CEP97: variants seen among roughly 807,000 people sequenced by gnomAD.
CEP97 encodes centrosomal protein 97.
A neutral mutation model predicts 73.1 loss-of-function variants in CEP97; 43 were observed. That is an observed-to-expected ratio of 0.59 (90% CI 0.46 to 0.76). The LOEUF is 0.76. Ranked by LOEUF, CEP97 falls within the 30% of genes least tolerant of loss-of-function variation. The pLI is 0.00. For synonymous variants in CEP97, 337 were observed against 370.0 expected (o/e 0.91, Z 1.02); for missense variants, 939 against 1,014.0 (o/e 0.93, Z 1.00).
In CEP97 at chr3:101,766,559, A is replaced by G. The variant is rs187931180; in HGVS notation, c.*1008A>G. On this transcript the variant is annotated 3_prime_UTR_variant, in exon 11 of 11. Coordinates refer to ENST00000341893, the MANE Select transcript of CEP97 (RefSeq NM_024548.4). Reference sequence around the variant, plus strand: ...ACTTTTTAGGAACTACTTTTTGTCTAACCTGAAAAAGTTCCACATTTGGAA... The same window carrying G: ...ACTTTTTAGGAACTACTTTTTGTCTGACCTGAAAAAGTTCCACATTTGGAA... The G allele has an allele frequency of 3.9e-5, 6 of 152,672 alleles. No individual in the cohort carries two copies. Among genetic ancestry groups the G allele is most frequent in the Admixed American group, 1.3e-4 (2 of 15,292 alleles). 9.5% of individuals were successfully genotyped at this position (152,672 alleles called of 1,614,324 possible). A position where few individuals can be genotyped will look rare whatever the true frequency, so the allele number is the denominator to read the frequency against.
At chr3:101,735,703 C>T (rs1219687262) in intron 6 of CEP97, among the ~76,000 whole-genome samples, 5 of 152,202 alleles carry the variant, frequency 3.3e-5, no homozygotes, top group Non-Finnish European at 5.9e-5. Context: ...CACAACCCCA[C>T]ACACCAGGAG....
chr3:101,737,952 A>G (rs1044625036), intron 6 of CEP97, among the ~76,000 whole-genome samples: 31 of 146,162 alleles, frequency 2.1e-4, no homozygotes, highest in Non-Finnish European at 1.6e-4. Context: ...TGCATCTCAC[A>G]TGTAAAGACA....
intron 2 of CEP97, 124 bp downstream of exon 2, chr3:101,726,860 T>C (rs1001326266): frequency 1.6e-6 from 1 of 608,526 alleles, no homozygotes; most frequent in Non-Finnish European, 2.8e-6. Context: ...CTTAAATTTT[T>C]ACATGACAGT....
At chr3:101,725,705 T>G (rs149334351) in intron 1 of CEP97, among the ~76,000 whole-genome samples, 10 of 152,286 alleles carry the variant, frequency 6.6e-5, no homozygotes, top group African/African-American at 2.2e-4. Context: ...GTAGTCCTAA[T>G]CTGGGTGTAA....
In CEP97 at chr3:101,766,358, A is replaced by G. The variant is rs1939317756; in HGVS notation, c.*807A>G. Reference sequence around the variant, plus strand: ...CTCATTAAGTGCTTTTTCACCCTATAGGTAAGCATTTTTGTGCCAACATGT... The same window carrying G: ...CTCATTAAGTGCTTTTTCACCCTATGGGTAAGCATTTTTGTGCCAACATGT... On this transcript the variant is annotated 3_prime_UTR_variant, in exon 11 of 11. Coordinates refer to ENST00000341893, the MANE Select transcript of CEP97 (RefSeq NM_024548.4). The G allele has an allele frequency of 6.6e-6, 1 of 152,608 alleles. No individual in the cohort carries two copies. The highest frequency in any genetic ancestry group is 2.1e-4 in the South Asian group (1 of 4,834). The allele number at this position is 152,608 out of a possible 1,614,324, so 9.5% of individuals were successfully genotyped here.
intron 7 of CEP97, 57 bp downstream of exon 7, chr3:101,755,651 C>A: frequency 6.4e-7 from 1 of 1,553,386 alleles, no homozygotes; most frequent in South Asian, 1.1e-5. Context: ...ACCTCTGAGT[C>A]TTTGCTATGG....
chr3:101,761,974 G>T (rs561040328), intron 9 of CEP97, among the ~76,000 whole-genome samples: 1 of 152,256 alleles, frequency 6.6e-6, no homozygotes, highest in African/African-American at 2.4e-5. Context: ...GGAGTAGGTC[G>T]GAGACCTGGG....
intron 6 of CEP97, among the ~76,000 whole-genome samples, chr3:101,745,456 G>A (rs755266640): frequency 1.8e-4 from 27 of 151,898 alleles, no homozygotes; most frequent in Non-Finnish European, 3.5e-4. Flanking sequence ...TGTAGAGATG[G>A]GTTATTGCTA....
chr3:101,731,192 C>CTTTT (rs35988030), intron 4 of CEP97, among the ~76,000 whole-genome samples: 3 of 123,260 alleles, frequency 2.4e-5, no homozygotes, highest in Non-Finnish European at 3.4e-5. Flanking sequence ...GTTTTAATGA[C>CTTTT]TTTTTTTTTT....
At chr3:101,737,965 C>T (rs1232054952) in intron 6 of CEP97, among the ~76,000 whole-genome samples, 1 of 105,632 alleles carries the variant, frequency 9.5e-6, no homozygotes, top group Non-Finnish European at 1.8e-5. Context: ...TAAAGACACA[C>T]ATAGATTCAA....
intron 6 of CEP97, among the ~76,000 whole-genome samples, chr3:101,741,957 G>C (rs566630285): frequency 1.3e-5 from 2 of 151,806 alleles, no homozygotes; most frequent in South Asian, 4.2e-4. Flanking sequence ...CAGGAGAGTC[G>C]CTTGAGCCCA....
chr3:101,753,572 G>A (rs1476653333), intron 6 of CEP97, among the ~76,000 whole-genome samples: 13 of 152,334 alleles, frequency 8.5e-5, no homozygotes, highest in Non-Finnish European at 1.5e-4. Context: ...TCGGGCTTCC[G>A]GCTGCTTTGT....
intron 6 of CEP97, among the ~76,000 whole-genome samples, chr3:101,749,907 A>G (rs1407191809): frequency 2.0e-5 from 3 of 148,692 alleles, no homozygotes; most frequent in East Asian, 2.0e-4. Context: ...CCTTTGTCAG[A>G]TGAGTAGGTT....
intron 6 of CEP97, among the ~76,000 whole-genome samples, chr3:101,733,226 T>G (rs1032886247): frequency 2.0e-5 from 3 of 152,302 alleles, no homozygotes; most frequent in African/African-American, 7.2e-5. Context: ...TAATCAGTTG[T>G]TTGGAGCTTG....
Position 101,727,538 on chromosome 3 carries a change from T to G in CEP97, c.342T>G (p.Leu114=). The change falls in exon 3 of 11, where the codon CTT becomes CTG. Residue 114 remains leucine, a synonymous_variant. Coordinates refer to ENST00000341893, the MANE Select transcript of CEP97 (RefSeq NM_024548.4). ...GGCTGAATTTGGCAGGAAATAATCT[T>G]AAGGTGAATGGTTTCTTTTTTGTTT... The part of the protein sequence containing the change: ...LEWLNLAGNN[L]KAMEQINSCT... 6.2e-7 allele frequency: 1 copy of G among 1,603,174 alleles called. No homozygotes were observed. Among genetic ancestry groups the G allele is most frequent in the East Asian group, 2.2e-5 (1 of 44,614 alleles).
Position 101,763,006 on chromosome 3 carries a change from G to A in CEP97, c.1893+446G>A, listed in dbSNP as rs780676744. The A allele has an allele frequency of 8.6e-5, 99 of 1,154,776 alleles. 1 individual carries two copies. Among genetic ancestry groups the A allele is most frequent in the Non-Finnish European group, 1.1e-4 (97 of 904,746 alleles). The allele number at this position is 1,154,776 out of a possible 1,614,324, so 71.5% of individuals were successfully genotyped here. A position where few individuals can be genotyped will look rare whatever the true frequency, so the allele number is the denominator to read the frequency against. On this transcript the variant is annotated intron_variant, in intron 10 of 10. Coordinates refer to ENST00000341893, the MANE Select transcript of CEP97 (RefSeq NM_024548.4). ...CCTATAATAGCACACTTTAGGGACA[G>A]TTTAGGCAGTTGGTTTTACTAGCAT...
chr3:101,750,764 T>G (rs1358591511), intron 6 of CEP97, among the ~76,000 whole-genome samples: 1 of 152,150 alleles, frequency 6.6e-6, no homozygotes, highest in Non-Finnish European at 1.5e-5. Flanking sequence ...TGATATCCCC[T>G]TTGTCATTTT....
chr3:101,750,864 C>G (rs1186568004), intron 6 of CEP97, among the ~76,000 whole-genome samples: 1 of 152,172 alleles, frequency 6.6e-6, no homozygotes, highest in Non-Finnish European at 1.5e-5. Flanking sequence ...AAAAAACCAG[C>G]TCCTGGATTC....
chr3:101,768,114 T>G lies in CEP97; in HGVS notation c.*2563T>G, dbSNP rs1939363829. 1 of 152,178 alleles carries G rather than the reference T, an allele frequency of 6.6e-6. No homozygotes were observed. Among genetic ancestry groups the G allele is most frequent in the African/African-American group, 2.4e-5 (1 of 41,450 alleles). 9.4% of individuals were successfully genotyped at this position (152,178 alleles called of 1,614,324 possible). A position where few individuals can be genotyped will look rare whatever the true frequency, so the allele number is the denominator to read the frequency against. On this transcript the variant is annotated 3_prime_UTR_variant, in exon 11 of 11. Transcript: ENST00000341893. Reference sequence around the variant, plus strand: ...TCAGTTCTCTTGATTTATGGAAGATTCAGTTTATCAATTAAGAATTCCTGC... The same window carrying G: ...TCAGTTCTCTTGATTTATGGAAGATGCAGTTTATCAATTAAGAATTCCTGC...
Sources: gnomAD v4.1 joint callset for allele counts (sites outside exome capture counted in the v4.1 genomes callset) on GRCh38, gnomAD v4.1.1 for gene constraint, MANE v1.5 for transcripts, NCBI Gene and HGNC (gene_info 2026-07-23, HGNC 2026-07-21) for gene names.